SORCS3: variants seen among roughly 807,000 people sequenced by gnomAD.
SORCS3 encodes sortilin related VPS10 domain containing receptor 3.
A neutral mutation model predicts 146.3 loss-of-function variants in SORCS3; 57 were observed. The ratio of observed to expected loss-of-function variants is 0.39; its 90% CI spans 0.31 to 0.49. The LOEUF (loss-of-function observed/expected upper bound fraction) is 0.49, where lower values mean the gene tolerates loss of function less well. Ranked by LOEUF, SORCS3 falls within the 20% of genes least tolerant of loss-of-function variation. The pLI, the probability that SORCS3 is intolerant of heterozygous loss-of-function variation, is 0.92. For synonymous variants in SORCS3, 653 were observed against 618.5 expected (o/e 1.06, Z -0.83); for missense variants, 1,341 against 1,575.5 (o/e 0.85, Z 2.52).
At chr10:105,086,034 C>T (rs1300602871) in intron 5 of SORCS3, among the ~76,000 whole-genome samples, 1 of 151,930 alleles carries the variant, frequency 6.6e-6, no homozygotes, top group Admixed American at 6.6e-5. Context: ...TTTTTATAGA[C>T]CTGATATTCC....
chr10:104,739,740 G>T (rs1432328152), intron 1 of SORCS3, among the ~76,000 whole-genome samples: 1 of 152,212 alleles, frequency 6.6e-6, no homozygotes, highest in Non-Finnish European at 1.5e-5. Flanking sequence ...TGTGCTTTTA[G>T]TGGGGCAAGT....
At chr10:104,761,418 A>G (rs2017121158) in intron 1 of SORCS3, among the ~76,000 whole-genome samples, 1 of 152,220 alleles carries the variant, frequency 6.6e-6, no homozygotes, top group African/African-American at 2.4e-5. Flanking sequence ...GAGGCAAGAA[A>G]ATAGATACAG....
intron 1 of SORCS3, among the ~76,000 whole-genome samples, chr10:104,810,408 A>G (rs894861278): frequency 6.6e-6 from 1 of 152,214 alleles, no homozygotes; most frequent in Non-Finnish European, 1.5e-5. Flanking sequence ...ACACTTGTTA[A>G]TGGTATATGT....
At chr10:105,260,672 G>C (rs2056955344) in intron 25 of SORCS3, among the ~76,000 whole-genome samples, 1 of 152,188 alleles carries the variant, frequency 6.6e-6, no homozygotes, top group South Asian at 2.1e-4. Flanking sequence ...CGTATTAAGT[G>C]CTTCCACATT....
intron 1 of SORCS3, among the ~76,000 whole-genome samples, chr10:104,799,028 A>G (rs1426065665): frequency 6.6e-6 from 1 of 152,220 alleles, no homozygotes; most frequent in Non-Finnish European, 1.5e-5. Context: ...GCAATCATTC[A>G]TTAAAAAGTC....
chr10:104,862,909 C>G (rs374012069), intron 2 of SORCS3, among the ~76,000 whole-genome samples: 7 of 152,156 alleles, frequency 4.6e-5, no homozygotes, highest in African/African-American at 1.7e-4. Flanking sequence ...CCTTTTTAAT[C>G]TATTCTTACA....
At chr10:104,953,545 A>G (rs1395809933) in intron 3 of SORCS3, among the ~76,000 whole-genome samples, 1 of 152,244 alleles carries the variant, frequency 6.6e-6, no homozygotes, top group Non-Finnish European at 1.5e-5. Context: ...AGCACTTCAG[A>G]CAGTGCTGAT....
In SORCS3 at chr10:104,733,520, A is replaced by AT. The variant is rs34203788; in HGVS notation, c.627+91586dup. ...GCGCACCACCATGCCCTGATGATTA[A>AT]TTTTTTTTTTTTTTTTTTTTGTAGA... On this transcript the variant is annotated intron_variant, in intron 1 of 26. Coordinates refer to ENST00000369701, the MANE Select transcript of SORCS3 (RefSeq NM_014978.3). Among the ~76,000 whole-genome samples, 377 of 123,338 alleles carry AT rather than the reference A, an allele frequency of 3.1e-3. 2 individuals are homozygous for AT. The highest frequency in any genetic ancestry group is 0.017 in the East Asian group (68 of 4,120). The allele number at this position is 123,338 out of a possible 152,430, so 80.9% of individuals were successfully genotyped here.
At chr10:104,776,222 T>C (rs1223071454) in intron 1 of SORCS3, among the ~76,000 whole-genome samples, 1 of 152,128 alleles carries the variant, frequency 6.6e-6, no homozygotes, top group African/African-American at 2.4e-5. Context: ...AGAGTTTCTG[T>C]GGGTCCATGG....
At chr10:104,939,610 A>G (rs2019292188) in intron 3 of SORCS3, among the ~76,000 whole-genome samples, 1 of 152,150 alleles carries the variant, frequency 6.6e-6, no homozygotes, top group Admixed American at 6.5e-5. Flanking sequence ...CCACTGGGGA[A>G]GAGGGAGGTC....
chr10:104,793,169 A>G (rs2017514236), intron 1 of SORCS3, among the ~76,000 whole-genome samples: 1 of 151,932 alleles, frequency 6.6e-6, no homozygotes, highest in Non-Finnish European at 1.5e-5. Flanking sequence ...TTTTTCACTT[A>G]GAGTAGCAGA....
In SORCS3 at chr10:105,233,369, AT is replaced by A. The variant is rs899624614; in HGVS notation, c.2868+10128del. Among the ~76,000 whole-genome samples the A allele has an allele frequency of 1.1e-4, 17 of 148,910 alleles. No homozygotes were observed. In the South Asian group the frequency reaches 2.4e-3, roughly 21 times the overall value. Reference sequence around the variant, plus strand: ...TTGTTGGTATGTTTATGTTGAACAAATTTTTTTTCTGTTAAGTCAATTGAGA... The same window carrying A: ...TTGTTGGTATGTTTATGTTGAACAAATTTTTTTCTGTTAAGTCAATTGAGA... On this transcript the variant is annotated intron_variant, in intron 20 of 26. Transcript: ENST00000369701.
intron 5 of SORCS3, among the ~76,000 whole-genome samples, chr10:105,085,752 G>A (rs1177528874): frequency 6.6e-6 from 1 of 152,106 alleles, no homozygotes; most frequent in Non-Finnish European, 1.5e-5. Flanking sequence ...GTGTCTAGTG[G>A]TCTGTCTGTC....
At chr10:104,658,193 A>C (rs775093422) in intron 1 of SORCS3, among the ~76,000 whole-genome samples, 8 of 152,176 alleles carry the variant, frequency 5.3e-5, no homozygotes, top group South Asian at 4.1e-4. Context: ...ATGCTAACTG[A>C]ATATATGCTT....
At chr10:105,066,830 C>A (rs2055526063) in intron 5 of SORCS3, among the ~76,000 whole-genome samples, 1 of 152,134 alleles carries the variant, frequency 6.6e-6, no homozygotes, top group African/African-American at 2.4e-5. Context: ...TTCCCTTCAT[C>A]TTCCTTCCAG....
intron 20 of SORCS3, among the ~76,000 whole-genome samples, chr10:105,236,522 C>T (rs1341787893): frequency 6.6e-6 from 1 of 152,080 alleles, no homozygotes. Flanking sequence ...CTTGTTCTAG[C>T]TCATTTACCT....
At chr10:104,927,850 C>T (rs1214453392) in intron 3 of SORCS3, among the ~76,000 whole-genome samples, 1 of 150,404 alleles carries the variant, frequency 6.6e-6, no homozygotes, top group Non-Finnish European at 1.5e-5. Flanking sequence ...TGCACTCCAG[C>T]CTGGGCAACA....
intron 7 of SORCS3, among the ~76,000 whole-genome samples, chr10:105,109,612 A>G (rs927449820): frequency 2.0e-5 from 3 of 152,208 alleles, no homozygotes; most frequent in African/African-American, 7.2e-5. Flanking sequence ...TATAAAATGT[A>G]TGTGTCATCC....
At chr10:105,053,076 T>G (rs188091157) in intron 5 of SORCS3, among the ~76,000 whole-genome samples, 24 of 152,208 alleles carry the variant, frequency 1.6e-4, no homozygotes, top group Admixed American at 1.6e-3. Flanking sequence ...ACCTTCTGGA[T>G]GTATCATCCC....
Sources: gnomAD v4.1 joint callset for allele counts (sites outside exome capture counted in the v4.1 genomes callset) on GRCh38, gnomAD v4.1.1 for gene constraint, MANE v1.5 for transcripts, NCBI Gene and HGNC (gene_info 2026-07-23, HGNC 2026-07-21) for gene names.